FBXL13: variants seen among roughly 807,000 people sequenced by gnomAD.
FBXL13 encodes the protein F-box and leucine rich repeat protein 13, also known as F-box and leucine-rich repeat protein 13.
A neutral mutation model predicts 83.6 loss-of-function variants in FBXL13; 67 were observed. That is an observed-to-expected ratio of 0.80 (90% CI 0.66 to 0.98). The LOEUF is 0.98. FBXL13 is among the 50% of genes least tolerant of loss of function. The pLI, the probability that FBXL13 is intolerant of heterozygous loss-of-function variation, is 0.00. For missense variants in FBXL13, 822 were observed against 866.5 expected (o/e 0.95, Z 0.64); for synonymous variants, 272 against 299.5 (o/e 0.91, Z 0.95).
At chr7:102,946,162 G>A (rs1431284612) in intron 8 of FBXL13, among the ~76,000 whole-genome samples, 1 of 152,176 alleles carries the variant, frequency 6.6e-6, no homozygotes. Context: ...GATTACAGGC[G>A]TGAGCCACAC....
intron 16 of FBXL13, among the ~76,000 whole-genome samples, chr7:102,863,139 G>T (rs1202744560): frequency 6.6e-6 from 1 of 152,216 alleles, no homozygotes; most frequent in Non-Finnish European, 1.5e-5. Context: ...CTTTTTGCTA[G>T]CTTCAGTCAG....
In FBXL13 at chr7:102,921,310, AG is replaced by A. The variant is rs573682330; in HGVS notation, c.878+4963del. Among the ~76,000 whole-genome samples, 8 of 152,370 alleles carry A rather than the reference AG, an allele frequency of 5.3e-5. No homozygotes were observed. In the East Asian group the frequency reaches 1.5e-3, roughly 29 times the overall value. On this transcript the variant is annotated intron_variant, in intron 10 of 19. Coordinates refer to ENST00000313221, the Ensembl canonical transcript of FBXL13. Reference sequence around the variant, plus strand: ...AAATAAAGAGAAGCTTGATCATAATAGGCAACTAATATATCACTATTATAAT... The same window carrying A: ...AAATAAAGAGAAGCTTGATCATAATAGCAACTAATATATCACTATTATAAT...
At chr7:102,986,027 C>A (rs540873276) in intron 6 of FBXL13, among the ~76,000 whole-genome samples, 5 of 151,716 alleles carry the variant, frequency 3.3e-5, no homozygotes, top group Admixed American at 1.3e-4. Flanking sequence ...GCCCCCCCCC[C>A]ATCAATACAT....
At chr7:102,942,320 T>G in intron 8 of FBXL13, 1 of 1,593,834 alleles carries the variant, frequency 6.3e-7, no homozygotes, top group Non-Finnish European at 8.5e-7. Flanking sequence ...GCAAGTAGAC[T>G]TACGTGAATG....
At chr7:103,049,095 C>T (rs1009434894) in intron 2 of FBXL13, among the ~76,000 whole-genome samples, 5 of 152,184 alleles carry the variant, frequency 3.3e-5, no homozygotes, top group African/African-American at 1.2e-4. Context: ...TCTTTTTAAA[C>T]AACCAGTCAT....
At chr7:102,948,479 A>G (rs1277346800) in intron 8 of FBXL13, among the ~76,000 whole-genome samples, 2 of 152,064 alleles carry the variant, frequency 1.3e-5, no homozygotes, top group East Asian at 1.9e-4. Flanking sequence ...GGTGGAGTGC[A>G]GTGGCATGAT....
chr7:102,957,962 G>A (rs745839392), intron 8 of FBXL13, among the ~76,000 whole-genome samples: 5 of 152,164 alleles, frequency 3.3e-5, no homozygotes, highest in Non-Finnish European at 5.9e-5. Flanking sequence ...TTCAACCATT[G>A]TGGAAGACAG....
intron 6 of FBXL13, among the ~76,000 whole-genome samples, chr7:102,987,324 C>A: frequency 6.6e-6 from 1 of 151,752 alleles, no homozygotes; most frequent in Non-Finnish European, 1.5e-5. Context: ...AATAAAAATC[C>A]CACATATATT....
At chr7:102,998,653 G>A (rs1790068239) in intron 6 of FBXL13, among the ~76,000 whole-genome samples, 2 of 151,822 alleles carry the variant, frequency 1.3e-5, no homozygotes, top group African/African-American at 2.4e-5. Context: ...GTTTTTTGGT[G>A]GAGTCTTTAC....
chr7:103,011,906 A>C (rs1791672273), intron 6 of FBXL13, among the ~76,000 whole-genome samples: 1 of 152,202 alleles, frequency 6.6e-6, no homozygotes, highest in Non-Finnish European at 1.5e-5. Context: ...AGAGGGAGAG[A>C]AACCAAGGAC....
intron 16 of FBXL13, among the ~76,000 whole-genome samples, chr7:102,870,165 T>A (rs543093461): frequency 6.6e-6 from 1 of 152,332 alleles, no homozygotes; most frequent in Non-Finnish European, 1.5e-5. Flanking sequence ...CTGTATGCTA[T>A]CAGTAATTTA....
intron 1 of FBXL13, among the ~76,000 whole-genome samples, chr7:103,065,243 T>C (rs919344163): frequency 1.3e-5 from 2 of 152,242 alleles, no homozygotes; most frequent in Non-Finnish European, 2.9e-5. Flanking sequence ...AACAGTAGTA[T>C]AGGGAACACT....
intron 17 of FBXL13, among the ~76,000 whole-genome samples, chr7:102,849,073 C>A (rs954593366): frequency 6.6e-6 from 1 of 152,156 alleles, no homozygotes; most frequent in Non-Finnish European, 1.5e-5. Context: ...TAAGATGGAA[C>A]TTCTAATACG....
At chr7:102,978,000 T>A (rs1249563565) in intron 6 of FBXL13, among the ~76,000 whole-genome samples, 1 of 152,054 alleles carries the variant, frequency 6.6e-6, no homozygotes, top group African/African-American at 2.4e-5. Flanking sequence ...TAATGTTAAA[T>A]GACGAATTAA....
At chr7:102,976,035 C>T (rs1450304257) in intron 6 of FBXL13, 3 of 766,342 alleles carry the variant, frequency 3.9e-6, no homozygotes, top group Non-Finnish European at 7.2e-6. Context: ...GCCATGCCCC[C>T]TCTGCGGAGG....
chr7:102,926,572 C>A (rs924218375), intron 9 of FBXL13, among the ~76,000 whole-genome samples, 198 bp from the exon 11 acceptor site: 5 of 152,174 alleles, frequency 3.3e-5, no homozygotes, highest in African/African-American at 1.2e-4. Context: ...TCATTACTCC[C>A]TCCTTTTCCC....
chr7:102,934,425 T>G, intron 8 of FBXL13: 1 of 1,614,188 alleles, frequency 6.2e-7, no homozygotes, highest in Non-Finnish European at 8.5e-7. Context: ...ACTTGTGAGA[T>G]AGAAACGCTT....
chr7:102,921,808 C>T (rs549816303), intron 10 of FBXL13, among the ~76,000 whole-genome samples: 2 of 152,156 alleles, frequency 1.3e-5, no homozygotes, highest in East Asian at 3.9e-4. Flanking sequence ...TAATTCAGTC[C>T]ACATTTCTTG....
rs769649288 is a variant in FBXL13 at position 102,883,680 on chromosome 7, T to G, written c.1113A>C (p.Leu371Phe). The G allele has an allele frequency of 6.3e-6, 10 of 1,590,342 alleles. No individual in the cohort carries two copies. The East Asian group carries it at 2.2e-4, about 36-fold the overall frequency. The change falls in exon 13 of 20, where the codon TTA becomes TTC. Residue 371 changes from leucine (L) to phenylalanine (F), a missense_variant. Transcript: ENST00000313221. ...ATGTAATACGAGAGCATTTTTCAAC[T>G]AAAGCCTTTAGAAGAAAAAAATGAT...
Sources: allele counts gnomAD v4.1 joint callset (sites outside exome capture counted in the v4.1 genomes callset), GRCh38; gene constraint gnomAD v4.1.1; transcripts MANE v1.5; gene names NCBI Gene and HGNC (gene_info 2026-07-23, HGNC 2026-07-21).